Variants in PTPN3 observed in about 807,000 individuals in gnomAD.
PTPN3 encodes the protein protein tyrosine phosphatase non-receptor type 3.
A neutral mutation model predicts 132.7 loss-of-function variants in PTPN3; 96 were observed. The observed-to-expected ratio is 0.72, with a 90% CI of 0.61 to 0.86. PTPN3 has a LOEUF of 0.86. Among genes scored for constraint, PTPN3 ranks in the 40% least tolerant of loss-of-function variants. PTPN3 has a pLI of 0.00. For synonymous variants in PTPN3, 398 were observed against 429.0 expected (o/e 0.93, Z 0.89); for missense variants, 1,125 against 1,159.6 (o/e 0.97, Z 0.43).
intron 13 of PTPN3, among the ~76,000 whole-genome samples, chr9:109,422,120 A>C (rs1273414195): frequency 6.8e-6 from 1 of 148,118 alleles, no homozygotes; most frequent in Admixed American, 7.0e-5. Flanking sequence ...CTACAGAGGT[A>C]AAGAAACTTG....
chr9:109,408,383 A>C lies in PTPN3; in HGVS notation c.1579-6T>G, dbSNP rs199499867. 1,170 of 1,578,738 alleles carry C rather than the reference A, an allele frequency of 7.4e-4. 2 individuals are homozygous for C. The highest frequency in any genetic ancestry group is 9.6e-4 in the Non-Finnish European group (1,115 of 1,161,158). On this transcript the variant is annotated splice_region_variant and splice_polypyrimidine_tract_variant and intron_variant, in intron 16 of 25. Coordinates refer to ENST00000374541, the MANE Select transcript of PTPN3 (RefSeq NM_002829.4). ...ATCTTTTGATCCACTCCTCCCTGTA[A>C]ACATTTTAAAATAAAAACAAAACAA...
chr9:109,386,986 G>A (rs187876863), intron 22 of PTPN3, among the ~76,000 whole-genome samples: 187 of 152,272 alleles, frequency 1.2e-3, no homozygotes, highest in African/African-American at 4.1e-3. Context: ...GACTGGCAGC[G>A]GCAGACCGTG....
upstream of PTPN3, among the ~76,000 whole-genome samples, chr9:109,501,807 CACA>C (rs2132142413): frequency 6.6e-6 from 1 of 152,334 alleles, no homozygotes; most frequent in Admixed American, 6.5e-5. Flanking sequence ...GAGGCAGGAT[CACA>C]ACATGATGGA....
intron 16 of PTPN3, among the ~76,000 whole-genome samples, chr9:109,408,799 ATAT>A (rs1564404234): frequency 0.01 from 594 of 57,518 alleles, 5 homozygotes; most frequent in Non-Finnish European, 0.018. Context: ...AAAAAAAAAT[ATAT>A]ATATATATAT....
intron 10 of PTPN3, among the ~76,000 whole-genome samples, chr9:109,431,380 T>C (rs1200462023): frequency 6.6e-6 from 1 of 152,226 alleles, no homozygotes; most frequent in Non-Finnish European, 1.5e-5. Context: ...GCTTTAGGCC[T>C]GTGGCACCTG....
intron 5 of PTPN3, chr9:109,450,663 A>G: frequency 1.0e-6 from 1 of 985,148 alleles, no homozygotes; most frequent in Non-Finnish European, 1.2e-6. Context: ...AAAATTCTGC[A>G]AAGAATGATC....
the PTPN3 span, among the ~76,000 whole-genome samples, chr9:109,526,214 G>T: frequency 6.6e-6 from 1 of 151,866 alleles, no homozygotes; most frequent in Non-Finnish European, 1.5e-5. Flanking sequence ...AGAAAGTAAA[G>T]AAGACTAAAA....
the PTPN3 span, among the ~76,000 whole-genome samples, chr9:109,504,182 T>C: frequency 6.6e-6 from 1 of 152,064 alleles, no homozygotes; most frequent in Non-Finnish European, 1.5e-5. Flanking sequence ...ATAGGATGGG[T>C]GATACCAAGG....
At chr9:109,437,120 A>G (rs909097333) in intron 8 of PTPN3, 150 bp from the exon 9 acceptor site, 1 of 1,340,494 alleles carries the variant, frequency 7.5e-7, no homozygotes, top group Non-Finnish European at 9.9e-7. Flanking sequence ...GCTAAATTCT[A>G]CTAAAGCAAG....
chr9:109,438,158 A>G lies in PTPN3; in HGVS notation c.543T>C (p.Asn181=). The change falls in exon 8 of 26, where the codon AAT becomes AAC. Residue 181 remains asparagine, a synonymous_variant. Coordinates refer to ENST00000374541, the MANE Select transcript of PTPN3 (RefSeq NM_002829.4). ...LSDSHFIPDQ[N]EDFLTKVESL... ...ATTCGACTTTTGTTAAAAAGTCCTC[A>G]TTTTGATCGGGTATAAAGTGACTAT... 6.2e-7 allele frequency: 1 copy of G among 1,614,102 alleles called. No homozygotes were observed. Among genetic ancestry groups the G allele is most frequent in the South Asian group, 1.1e-5 (1 of 91,068 alleles).
intron 10 of PTPN3, among the ~76,000 whole-genome samples, chr9:109,430,885 CTT>C (rs2131894714): frequency 6.6e-6 from 1 of 152,338 alleles, no homozygotes; most frequent in South Asian, 2.1e-4. Context: ...TGGGTTCTCT[CTT>C]GTCTCTGGAC....
intron 11 of PTPN3, among the ~76,000 whole-genome samples, chr9:109,428,090 C>T (rs1248217984): frequency 3.9e-5 from 6 of 152,222 alleles, no homozygotes; most frequent in African/African-American, 1.4e-4. Context: ...TGGGAGGGAA[C>T]TGACCTTGCT....
chr9:109,474,478 C>G (rs1227887951), intron 1 of PTPN3, among the ~76,000 whole-genome samples: 2 of 152,156 alleles, frequency 1.3e-5, no homozygotes, highest in Non-Finnish European at 2.9e-5. Flanking sequence ...TGGAGGAACA[C>G]AAGGAGGGCT....
chr9:109,443,953 T>A (rs758756330), intron 7 of PTPN3, among the ~76,000 whole-genome samples: 7 of 152,140 alleles, frequency 4.6e-5, no homozygotes, highest in Non-Finnish European at 8.8e-5. Flanking sequence ...CCCAGCCACC[T>A]TGCTCTTCAC....
At chr9:109,532,496 T>A in the PTPN3 span, among the ~76,000 whole-genome samples, 1 of 151,548 alleles carries the variant, frequency 6.6e-6, no homozygotes, top group African/African-American at 2.4e-5. Context: ...CATTACAAAT[T>A]AAAAATGAAG....
chr9:109,469,179 AG>A (rs1299072638), intron 1 of PTPN3, among the ~76,000 whole-genome samples: 4 of 152,192 alleles, frequency 2.6e-5, no homozygotes, highest in Non-Finnish European at 5.9e-5. Flanking sequence ...AGACAACGAA[AG>A]GGTAATGCCG....
chr9:109,466,253 CAT>C (rs1846094983), intron 1 of PTPN3, among the ~76,000 whole-genome samples: 1 of 152,148 alleles, frequency 6.6e-6, no homozygotes, highest in Non-Finnish European at 1.5e-5. Context: ...GTCTATATAA[CAT>C]AGACTATATA....
At chr9:109,454,075 T>A (rs375127031) in intron 5 of PTPN3, among the ~76,000 whole-genome samples, 2 of 152,292 alleles carry the variant, frequency 1.3e-5, no homozygotes, top group East Asian at 3.9e-4. Flanking sequence ...TTCAAGAGCC[T>A]TGATTTTAGC....
intron 1 of PTPN3, among the ~76,000 whole-genome samples, chr9:109,465,950 C>T (rs1846082266): frequency 6.6e-6 from 1 of 152,064 alleles, no homozygotes; most frequent in Non-Finnish European, 1.5e-5. Flanking sequence ...CTGATTAACT[C>T]CAGTTCATCG....
Sources: gnomAD v4.1 joint callset for allele counts (sites outside exome capture counted in the v4.1 genomes callset) on GRCh38, gnomAD v4.1.1 for gene constraint, MANE v1.5 for transcripts, NCBI Gene and HGNC (gene_info 2026-07-23, HGNC 2026-07-21) for gene names.